LHX6: variants seen among roughly 807,000 people sequenced by gnomAD.
LHX6 encodes the protein LIM/homeobox protein Lhx6.
Under a neutral mutation model 47.1 loss-of-function variants are expected in LHX6, and 15 were observed. The observed-to-expected ratio is 0.32, with a 90% CI of 0.21 to 0.49. LHX6 has a LOEUF of 0.49. Among genes scored for constraint, LHX6 ranks in the 20% least tolerant of loss-of-function variants. LHX6 has a pLI of 0.99. For synonymous variants in LHX6, 242 were observed against 233.5 expected (o/e 1.04, Z -0.33); for missense variants, 404 against 539.6 (o/e 0.75, Z 2.49).
chr9:122,210,110 G>C (rs1275903937), intron 8 of LHX6, among the ~76,000 whole-genome samples: 1 of 152,056 alleles, frequency 6.6e-6, no homozygotes, highest in Non-Finnish European at 1.5e-5. Context: ...TGACCTCATG[G>C]GGTTTCACCG....
Position 122,217,796 on chromosome 9 carries a change from G to A in LHX6, c.462-508C>T, listed in dbSNP as rs984208429. On this transcript the variant is annotated intron_variant, in intron 4 of 9. Transcript: ENST00000394319. The surrounding 1 kb of genome is among the most constrained non-coding windows in gnomAD (Gnocchi z 4.9). Reference sequence around the variant, plus strand: ...TCCAGAGATGAATATAAGCTATAGCGCCAGCTGTACAGAAGTGCAGTTTCT... The same window carrying A: ...TCCAGAGATGAATATAAGCTATAGCACCAGCTGTACAGAAGTGCAGTTTCT... Among the ~76,000 whole-genome samples, 5 of 152,140 alleles carry A rather than the reference G, an allele frequency of 3.3e-5. No individual in the cohort carries two copies. Among genetic ancestry groups the A allele is most frequent in the South Asian group, 2.1e-4 (1 of 4,832 alleles).
chr9:122,219,853 A>C (rs1254503194), intron 4 of LHX6, among the ~76,000 whole-genome samples: 1 of 152,218 alleles, frequency 6.6e-6, no homozygotes, highest in Non-Finnish European at 1.5e-5. Flanking sequence ...TCCCGCATGG[A>C]TGAACAGGAA....
chr9:122,226,918 G>T lies in LHX6; in HGVS notation c.269C>A (p.Ser90Tyr), dbSNP rs1431783110. The change falls in exon 3 of 10, where the codon TCC (serine) becomes TAC (tyrosine). Residue 90 changes from serine (S) to tyrosine (Y), a missense_variant. Ser to Tyr is a moderately radical substitution (Grantham distance 144, BLOSUM62 -2). This residue lies in a region of LHX6 where 144 missense variants were observed against 128.7 expected (regional missense o/e 1.12). Coordinates refer to ENST00000394319, the MANE Select transcript of LHX6 (RefSeq NM_014368.5). This position sits in a 1 kb window ranked among gnomAD's most constrained non-coding sequence, Gnocchi z 6.5. ...SVCSPPSAAS[S>Y]VPSAGKNICS... ...GATGTTCTTGCCTGCAGACGGCACG[G>T]AGGAGGCGGCAGAGGGCGGTGAGCA... 1.9e-6 allele frequency: 3 copies of T among 1,562,480 alleles called. No individual in the cohort carries two copies. The highest frequency in any genetic ancestry group is 2.6e-6 in the Non-Finnish European group (3 of 1,153,474).
Position 122,227,474 on chromosome 9 carries a change from C to T in LHX6, c.91G>A (p.Ala31Thr). The T allele has an allele frequency of 6.7e-7, 1 of 1,501,456 alleles. No individual in the cohort carries two copies. Among genetic ancestry groups the T allele is most frequent in the Non-Finnish European group, 8.9e-7 (1 of 1,123,304 alleles). 93.0% of individuals were successfully genotyped at this position (1,501,456 alleles called of 1,614,324 possible). A position where few individuals can be genotyped will look rare whatever the true frequency, so the allele number is the denominator to read the frequency against. The change falls in exon 2 of 10, where the codon GCC becomes ACC. Residue 31 changes from alanine to threonine, a missense_variant. By Grantham distance (58) the Ala-to-Thr change is moderately conservative (BLOSUM62 0). Transcript: ENST00000394319. The part of the protein sequence containing the change: ...EGGPATDQVM[A>T]QPGSGCKATT... ...GCTTTGCAGCCGGACCCTGGCTGGGCCATCACCTGGGGGAGGGGGGGAGGG... is the reference window on the plus strand; with the variant it reads ...GCTTTGCAGCCGGACCCTGGCTGGGTCATCACCTGGGGGAGGGGGGGAGGG...
Position 122,217,072 on chromosome 9 carries a change from C to G in LHX6, c.678G>C (p.Glu226Asp). The change falls in exon 5 of 10, where the codon GAG becomes GAC. Residue 226 changes from glutamate to aspartate, a missense_variant. Glu to Asp is a conservative substitution (Grantham distance 45). Coordinates refer to ENST00000394319, the MANE Select transcript of LHX6 (RefSeq NM_014368.5). The surrounding 1 kb of genome is among the most constrained non-coding windows in gnomAD (Gnocchi z 4.9). ...TMIENLKRAA[E>D]NGNGLTLEGA... is the part of the protein sequence containing the mutation. ...CAGGCGGAGCAGGTTGGGTACCGTT[C>G]TCGGCGGCCCTCTTGAGGTTCTCAA... is the stretch of plus-strand genomic sequence containing the variant. 6.2e-7 allele frequency: 1 copy of G among 1,613,944 alleles called. No individual in the cohort carries two copies. The highest frequency in any genetic ancestry group is 1.1e-5 in the South Asian group (1 of 91,072).
At chr9:122,228,288 C>T in intron 1 of LHX6, 10 of 1,535,044 alleles carry the variant, frequency 6.5e-6, no homozygotes, top group Non-Finnish European at 8.7e-6. Flanking sequence ...ACCCTCCAGC[C>T]CCTCGGCGCG....
In LHX6 at chr9:122,214,382, C is replaced by G; in HGVS notation, c.684G>C (p.Gly228=). ...CTGCCCCCTCCAACGTGAGGCCGTTCCCTGGGGGCGATAGAAGCAGCTGAC... is the reference window on the plus strand; with the variant it reads ...CTGCCCCCTCCAACGTGAGGCCGTTGCCTGGGGGCGATAGAAGCAGCTGAC... ...IENLKRAAEN[G]NGLTLEGAVP... The change falls in exon 6 of 10, where the codon GGG becomes GGC. Residue 228 remains glycine, a splice_region_variant and synonymous_variant. Coordinates refer to ENST00000394319, the MANE Select transcript of LHX6 (RefSeq NM_014368.5). The surrounding 1 kb of genome is among the most constrained non-coding windows in gnomAD (Gnocchi z 4.6). 6.4e-7 allele frequency: 1 copy of G among 1,562,972 alleles called. No homozygotes were observed. Among genetic ancestry groups the G allele is most frequent in the Non-Finnish European group, 8.6e-7 (1 of 1,159,308 alleles).
chr9:122,226,270 G>C lies in LHX6; in HGVS notation c.461+106C>G. Reference sequence around the variant, plus strand: ...AGCGCTGCGCGCCGGAAGTGCACTCGGGACGCCGGGGTTCTGGAGGAGAGA... The same window carrying C: ...AGCGCTGCGCGCCGGAAGTGCACTCCGGACGCCGGGGTTCTGGAGGAGAGA... On this transcript the variant is annotated intron_variant, in intron 4 of 9. Transcript: ENST00000394319. This position sits in a 1 kb window ranked among gnomAD's most constrained non-coding sequence, Gnocchi z 6.5. The C allele has an allele frequency of 4.9e-6, 7 of 1,414,250 alleles. No homozygotes were observed. Among genetic ancestry groups the C allele is most frequent in the Middle Eastern group, 2.6e-4 (1 of 3,900 alleles). The allele number at this position is 1,414,250 out of a possible 1,614,324, so 87.6% of individuals were successfully genotyped here. A position where few individuals can be genotyped will look rare whatever the true frequency, so the allele number is the denominator to read the frequency against.
chr9:122,226,275 G>C lies in LHX6; in HGVS notation c.461+101C>G, dbSNP rs1362708432. ...TGCGCGCCGGAAGTGCACTCGGGACGCCGGGGTTCTGGAGGAGAGACCACA... is the reference window on the plus strand; with the variant it reads ...TGCGCGCCGGAAGTGCACTCGGGACCCCGGGGTTCTGGAGGAGAGACCACA... On this transcript the variant is annotated intron_variant, in intron 4 of 9. Coordinates refer to ENST00000394319, the MANE Select transcript of LHX6 (RefSeq NM_014368.5). This position sits in a 1 kb window ranked among gnomAD's most constrained non-coding sequence, Gnocchi z 6.5. The C allele has an allele frequency of 7.0e-6, 10 of 1,435,390 alleles. No individual in the cohort carries two copies. Among genetic ancestry groups the C allele is most frequent in the Non-Finnish European group, 9.3e-6 (10 of 1,073,258 alleles). The allele number at this position is 1,435,390 out of a possible 1,614,324, so 88.9% of individuals were successfully genotyped here.
intron 1 of LHX6, chr9:122,228,147 A>G: frequency 1.4e-6 from 1 of 726,212 alleles, no homozygotes; most frequent in Non-Finnish European, 2.1e-6. Flanking sequence ...AAATTGAAGC[A>G]GCTATATTGA....
intron 4 of LHX6, among the ~76,000 whole-genome samples, chr9:122,220,482 G>C (rs1830802268): frequency 6.6e-6 from 1 of 152,246 alleles, no homozygotes; most frequent in Admixed American, 6.5e-5. Flanking sequence ...CAGAACGACA[G>C]ACTCCTTCCC....
chr9:122,215,100 A>G (rs1007975440), intron 5 of LHX6, among the ~76,000 whole-genome samples: 8 of 152,244 alleles, frequency 5.3e-5, no homozygotes, highest in Non-Finnish European at 1.2e-4. Context: ...TGTTCTGAAT[A>G]TCCTCAAAAT....
At chr9:122,208,559 C>T (rs745904481) in intron 9 of LHX6, among the ~76,000 whole-genome samples, 7 of 152,186 alleles carry the variant, frequency 4.6e-5, no homozygotes, top group Admixed American at 6.5e-5. Context: ...CGGCCGGGCA[C>T]GGTGGCTCAC....
chr9:122,221,355 TGGGCCGCTCTCTGCCGCGGTGGG>T, intron 4 of LHX6: 1 of 985,526 alleles, frequency 1.0e-6, no homozygotes, highest in Non-Finnish European at 1.2e-6. Flanking sequence ...TGGCCGCCGC[TGGGCCGCTCTCTGCCGCGGTGGG>T]GGGCCGCTTC....
chr9:122,218,054 G>C (rs536925338), intron 4 of LHX6, among the ~76,000 whole-genome samples: 1 of 152,292 alleles, frequency 6.6e-6, no homozygotes, highest in South Asian at 2.1e-4. Flanking sequence ...AAAAAGCCCA[G>C]ATCGAATGTC....
Position 122,204,380 on chromosome 9 carries a change from C to T in LHX6, c.*380G>A, listed in dbSNP as rs1409738852. ...GTTCCAAGGAAGTAGTAAATAAAGG[C>T]CAATGTGGGGGAAAAAAACCTGTAA... On this transcript the variant is annotated 3_prime_UTR_variant, in exon 10 of 10. Coordinates refer to ENST00000394319, the MANE Select transcript of LHX6 (RefSeq NM_014368.5). The T allele has an allele frequency of 6.6e-6, 2 of 302,042 alleles. No individual in the cohort carries two copies. Among genetic ancestry groups the T allele is most frequent in the Non-Finnish European group, 1.2e-5 (2 of 164,474 alleles). The allele number at this position is 302,042 out of a possible 1,614,324, so 18.7% of individuals were successfully genotyped here. A position where few individuals can be genotyped will look rare whatever the true frequency, so the allele number is the denominator to read the frequency against.
In LHX6 at chr9:122,217,875, T is replaced by C. The variant is rs935593207; in HGVS notation, c.462-587A>G. 6.6e-6 allele frequency among the ~76,000 whole-genome samples: 1 copy of C among 152,186 alleles called. No homozygotes were observed. The highest frequency in any genetic ancestry group is 2.4e-5 in the African/African-American group (1 of 41,438). ...GGCTTTGTGACACTAGGCAAACTGT[T>C]TAACTCTGAGTTCTCGTTTTCCTTG... On this transcript the variant is annotated intron_variant, in intron 4 of 9. Coordinates refer to ENST00000394319, the MANE Select transcript of LHX6 (RefSeq NM_014368.5). The surrounding 1 kb of genome is among the most constrained non-coding windows in gnomAD (Gnocchi z 4.9).
At chr9:122,228,248 A>G in intron 1 of LHX6, 2 of 1,534,316 alleles carry the variant, frequency 1.3e-6, no homozygotes, top group Middle Eastern at 1.7e-4. Context: ...CAAAAAGAGA[A>G]AAGAGAGGCG....
In LHX6 at chr9:122,213,564, C is replaced by T. The variant is rs1366642663; in HGVS notation, c.1054+42G>A. 2 of 1,507,022 alleles carry T rather than the reference C, an allele frequency of 1.3e-6. No individual in the cohort carries two copies. The highest frequency in any genetic ancestry group is 2.3e-5 in the East Asian group (1 of 43,324). The allele number at this position is 1,507,022 out of a possible 1,614,324, so 93.4% of individuals were successfully genotyped here. On this transcript the variant is annotated intron_variant, in intron 8 of 9. Coordinates refer to ENST00000394319, the MANE Select transcript of LHX6 (RefSeq NM_014368.5). This position sits in a 1 kb window ranked among gnomAD's most constrained non-coding sequence, Gnocchi z 5.5. Reference sequence around the variant, plus strand: ...GCCCACGTGCGCTCCTCCGCGCCCCCTCCCCGCAGGCCCAGCGGCTCCCGG... The same window carrying T: ...GCCCACGTGCGCTCCTCCGCGCCCCTTCCCCGCAGGCCCAGCGGCTCCCGG...
Sources: gnomAD v4.1 joint callset for allele counts (sites outside exome capture counted in the v4.1 genomes callset) on GRCh38, gnomAD v4.1.1 for gene constraint, gnomAD v4.1.1 regional missense constraint, Gnocchi (gnomAD v3.1) non-coding constraint, MANE v1.5 for transcripts, NCBI Gene and HGNC (gene_info 2026-07-23, HGNC 2026-07-21) for gene names.